CNNM2: variants seen among roughly 807,000 people sequenced by gnomAD.
CNNM2 encodes the protein cyclin and CBS domain divalent metal cation transport mediator 2, also known as metal transporter CNNM2.
In CNNM2, 12 loss-of-function variants were observed where a neutral mutation model predicts 66.9. The ratio of observed to expected loss-of-function variants is 0.18; its 90% CI spans 0.11 to 0.29. CNNM2 has a LOEUF of 0.29. Ranked by LOEUF, CNNM2 falls within the 10% of genes least tolerant of loss-of-function variation. CNNM2 has a pLI of 1.00. For synonymous variants in CNNM2, 557 were observed against 501.8 expected (o/e 1.11, Z -1.47); for missense variants, 705 against 1,167.7 (o/e 0.60, Z 5.77).
At chr10:103,044,546 T>G (rs1032450040) in intron 1 of CNNM2, among the ~76,000 whole-genome samples, 5 of 131,368 alleles carry the variant, frequency 3.8e-5, no homozygotes, top group Admixed American at 3.0e-4. Context: ...TGAGACCCTG[T>G]CTCAGAAAAA....
chr10:103,067,363 C>T (rs1281041446), intron 4 of CNNM2, among the ~76,000 whole-genome samples: 2 of 152,138 alleles, frequency 1.3e-5, no homozygotes, highest in African/African-American at 4.8e-5. Flanking sequence ...CCACTGCTCC[C>T]AGCCTCCTAG....
chr10:103,040,245 A>G (rs1334512343), intron 1 of CNNM2, among the ~76,000 whole-genome samples: 1 of 152,010 alleles, frequency 6.6e-6, no homozygotes, highest in African/African-American at 2.4e-5. Context: ...GATAATTTCT[A>G]CTTTTGGGAA....
chr10:102,928,597 AAAG>A (rs1261586165), intron 1 of CNNM2, among the ~76,000 whole-genome samples: 1 of 152,098 alleles, frequency 6.6e-6, no homozygotes, highest in East Asian at 1.9e-4. Flanking sequence ...AAAAAAAAAA[AAAG>A]AAATTTATTT....
chr10:102,998,990 T>C lies in CNNM2; in HGVS notation c.1622-50717T>C, dbSNP rs1450331327. Among the ~76,000 whole-genome samples, 9 of 152,290 alleles carry C rather than the reference T, an allele frequency of 5.9e-5. No individual in the cohort carries two copies. The East Asian group carries it at 1.7e-3, about 29-fold the overall frequency. ...CGCAATCCGGGCTCACTACAGCCTCTGCTTCCTGGGTTCAAGTGATTCTTG... is the reference window on the plus strand; with the variant it reads ...CGCAATCCGGGCTCACTACAGCCTCCGCTTCCTGGGTTCAAGTGATTCTTG... On this transcript the variant is annotated intron_variant, in intron 1 of 7. Transcript: ENST00000369878.
chr10:103,075,654 ATAT>A (rs1266594459), intron 6 of CNNM2, among the ~76,000 whole-genome samples: 1 of 152,216 alleles, frequency 6.6e-6, no homozygotes, highest in African/African-American at 2.4e-5. Context: ...TGATTTATTA[ATAT>A]TCTCAAGAGT....
rs527984118 is a variant in CNNM2 at position 103,007,502 on chromosome 10, C to T, written c.1622-42205C>T. Among the ~76,000 whole-genome samples the T allele has an allele frequency of 2.0e-4, 31 of 152,180 alleles. 1 individual carries two copies. In the East Asian group the frequency reaches 2.9e-3, roughly 14 times the overall value. On this transcript the variant is annotated intron_variant, in intron 1 of 7. Coordinates refer to ENST00000369878, the MANE Select transcript of CNNM2 (RefSeq NM_017649.5). ...CCACGTAAGACAGACACTCCCAGAGCGGCCATTTATAGACCTCCCCCCAGG... is the reference window on the plus strand; with the variant it reads ...CCACGTAAGACAGACACTCCCAGAGTGGCCATTTATAGACCTCCCCCCAGG...
At chr10:103,034,415 C>T (rs1297946717) in intron 1 of CNNM2, among the ~76,000 whole-genome samples, 1 of 151,658 alleles carries the variant, frequency 6.6e-6, no homozygotes, top group African/African-American at 2.4e-5. Flanking sequence ...CTCCTTAAAA[C>T]GCCTGTGACT....
At chr10:103,041,144 T>C (rs1046356769) in intron 1 of CNNM2, among the ~76,000 whole-genome samples, 1 of 152,116 alleles carries the variant, frequency 6.6e-6, no homozygotes, top group Non-Finnish European at 1.5e-5. Context: ...CCTCCTCTTA[T>C]CACAACATTA....
chr10:103,037,172 C>A (rs1207586228), intron 1 of CNNM2, among the ~76,000 whole-genome samples: 2 of 151,082 alleles, frequency 1.3e-5, no homozygotes, highest in South Asian at 2.1e-4. Context: ...TAATCATTTC[C>A]TAATTGATCT....
intron 1 of CNNM2, among the ~76,000 whole-genome samples, chr10:103,009,951 T>C (rs537731452): frequency 6.8e-5 from 10 of 146,554 alleles, no homozygotes; most frequent in Admixed American, 4.1e-4. Context: ...TTTTTTTTTT[T>C]TCACAATTAG....
At position 102,918,329 on chromosome 10, in the gene CNNM2, C is replaced by T; in HGVS notation, c.-152C>T. On this transcript the variant is annotated 5_prime_UTR_variant, in exon 1 of 8. Transcript: ENST00000369878. The surrounding 1 kb of genome is among the most constrained non-coding windows in gnomAD (Gnocchi z 4.1). ...TTCCCTCCCGCGAGCCTCGGGGTTC[C>T]TCAGCTGGCTGAGGTGGAGTCAGTG... is the stretch of plus-strand genomic sequence containing the variant. 7.5e-7 allele frequency: 1 copy of T among 1,336,650 alleles called. No individual in the cohort carries two copies. Among genetic ancestry groups the T allele is most frequent in the Non-Finnish European group, 9.8e-7 (1 of 1,017,616 alleles). The allele number at this position is 1,336,650 out of a possible 1,614,324, so 82.8% of individuals were successfully genotyped here.
intron 1 of CNNM2, among the ~76,000 whole-genome samples, chr10:103,047,348 A>G (rs1409610720): frequency 6.6e-6 from 1 of 152,224 alleles, no homozygotes; most frequent in Admixed American, 6.5e-5. Context: ...AATATTGTCA[A>G]TGTCATAAAA....
chr10:103,004,298 A>T (rs2064184413), intron 1 of CNNM2, among the ~76,000 whole-genome samples: 1 of 152,146 alleles, frequency 6.6e-6, no homozygotes. Flanking sequence ...CACCATGCTC[A>T]GCCTCATTGC....
At chr10:102,972,439 A>G (rs904109618) in intron 1 of CNNM2, among the ~76,000 whole-genome samples, 13 of 152,122 alleles carry the variant, frequency 8.5e-5, no homozygotes, top group Non-Finnish European at 1.5e-4. Flanking sequence ...GATCAAGACC[A>G]TCCTGGCTAA....
At chr10:102,923,183 G>A (rs1845720065) in intron 1 of CNNM2, among the ~76,000 whole-genome samples, 1 of 151,574 alleles carries the variant, frequency 6.6e-6, no homozygotes, top group African/African-American at 2.4e-5. Flanking sequence ...GGCTGGATTC[G>A]AACTGTGATT....
intron 1 of CNNM2, among the ~76,000 whole-genome samples, chr10:102,989,405 CAAAT>C (rs925201249): frequency 2.6e-5 from 4 of 151,426 alleles, no homozygotes; most frequent in African/African-American, 4.9e-5. Context: ...GTTACTTCAA[CAAAT>C]AAAGTTTTAT....
At position 103,053,104 on chromosome 10, in the gene CNNM2, A is replaced by G. The variant is rs72850132; in HGVS notation, c.1766-1225A>G. ...TTAATTTGTCTAGAAAAATACTTGA[A>G]AGATGGTTTTGCAGGAGTTACCTTC... On this transcript the variant is annotated intron_variant, in intron 2 of 7. Transcript: ENST00000369878. Among the ~76,000 whole-genome samples the G allele has an allele frequency of 0.049, 7,514 of 152,300 alleles. 190 individuals are homozygous for G. The highest frequency in any genetic ancestry group is 0.057 in the Non-Finnish European group (3,879 of 68,036).
chr10:102,982,906 ATTAAT>A (rs2063739425), intron 1 of CNNM2, among the ~76,000 whole-genome samples: 1 of 152,258 alleles, frequency 6.6e-6, no homozygotes, highest in South Asian at 2.1e-4. Context: ...GAAAATTAAC[ATTAAT>A]TAAACTAATC....
chr10:103,010,426 C>T (rs754410729), intron 1 of CNNM2, among the ~76,000 whole-genome samples: 2 of 151,820 alleles, frequency 1.3e-5, no homozygotes, highest in Non-Finnish European at 2.9e-5. Flanking sequence ...GATGGGGTTT[C>T]GCCATGTTGC....
Sources: gnomAD v4.1 joint callset for allele counts (sites outside exome capture counted in the v4.1 genomes callset) on GRCh38, gnomAD v4.1.1 for gene constraint, Gnocchi (gnomAD v3.1) non-coding constraint, MANE v1.5 for transcripts, NCBI Gene and HGNC (gene_info 2026-07-23, HGNC 2026-07-21) for gene names.